Variants in LRP1B observed in about 807,000 individuals in gnomAD.
LRP1B encodes the protein low-density lipoprotein receptor-related protein 1B.
In LRP1B, 217 loss-of-function variants were observed where a neutral mutation model predicts 556.6. That is an observed-to-expected ratio of 0.39 (90% CI 0.35 to 0.44). The LOEUF (loss-of-function observed/expected upper bound fraction) is 0.44. Among genes scored for constraint, LRP1B ranks in the 20% least tolerant of loss-of-function variants. The pLI is 1.00. For missense variants in LRP1B, 5,053 were observed against 5,620.8 expected, an observed-to-expected ratio of 0.90 and a Z score of 3.23; for synonymous variants, 2,047 against 1,865.8, an observed-to-expected ratio of 1.10 and a Z score of -2.50.
chr2:141,093,799 C>A (rs1700229674), intron 7 of LRP1B, among the ~76,000 whole-genome samples: 1 of 151,976 alleles, frequency 6.6e-6, no homozygotes, highest in Non-Finnish European at 1.5e-5. Flanking sequence ...ACTGCAACCT[C>A]CACCCCCCGG....
intron 1 of LRP1B, among the ~76,000 whole-genome samples, chr2:142,083,106 G>C (rs914647829): frequency 2.0e-5 from 3 of 152,204 alleles, no homozygotes; most frequent in Non-Finnish European, 4.4e-5. Context: ...TCAAGGTAGA[G>C]GTTCATAGGC....
At chr2:141,247,945 T>C (rs1684126723) in intron 4 of LRP1B, among the ~76,000 whole-genome samples, 1 of 152,136 alleles carries the variant, frequency 6.6e-6, no homozygotes. Flanking sequence ...CTGCGGCTCA[T>C]GCCTGTAATC....
chr2:141,043,683 G>A (rs1390976915), intron 11 of LRP1B, among the ~76,000 whole-genome samples: 1 of 151,892 alleles, frequency 6.6e-6, no homozygotes, highest in Non-Finnish European at 1.5e-5. Flanking sequence ...TGAGTAGAAT[G>A]AAGGCATACA....
At chr2:140,529,985 CAAAA>C (rs1690617003) in intron 47 of LRP1B, among the ~76,000 whole-genome samples, 29 of 151,920 alleles carry the variant, frequency 1.9e-4, no homozygotes, top group Admixed American at 1.9e-3. Context: ...TTCTTTTCCC[CAAAA>C]AGAGAAGAAA....
intron 35 of LRP1B, among the ~76,000 whole-genome samples, chr2:140,753,103 A>G (rs1205790645): frequency 6.6e-6 from 1 of 152,228 alleles, no homozygotes; most frequent in East Asian, 1.9e-4. Context: ...TACATTTTCA[A>G]AAAAGTAATC....
chr2:141,459,576 T>C (rs1170514792), intron 3 of LRP1B, among the ~76,000 whole-genome samples: 3 of 152,096 alleles, frequency 2.0e-5, no homozygotes, highest in Non-Finnish European at 4.4e-5. Flanking sequence ...TTCCCGAGTG[T>C]TGTGGGAGGA....
At chr2:140,947,758 G>C (rs556398166) in intron 20 of LRP1B, among the ~76,000 whole-genome samples, 4 of 152,104 alleles carry the variant, frequency 2.6e-5, no homozygotes, top group Non-Finnish European at 5.9e-5. Context: ...TATTCACCAC[G>C]TAGAATATTT....
Position 141,464,606 on chromosome 2 carries a change from A to ATATATTTT in LRP1B, c.343+15789_343+15790insAAAATATA. On this transcript the variant is annotated intron_variant, in intron 3 of 90. Coordinates refer to ENST00000389484, the MANE Select transcript of LRP1B (RefSeq NM_018557.3). ...TTTGTATATATATATATATATATAT[A>ATATATTTT]TTTTTTTAGTAGAGATGGGGTTTCA... Among the ~76,000 whole-genome samples the ATATATTTT allele has an allele frequency of 2.3e-3, 205 of 90,522 alleles. 11 individuals carry two copies. Among genetic ancestry groups the ATATATTTT allele is most frequent in the African/African-American group, 7.6e-3 (178 of 23,358 alleles). 59.4% of individuals were successfully genotyped at this position (90,522 alleles called of 152,430 possible).
chr2:141,645,469 CTT>C (rs750147915), intron 2 of LRP1B, among the ~76,000 whole-genome samples: 6,270 of 48,680 alleles, frequency 0.13, 168 homozygotes, highest in Non-Finnish European at 0.18. Flanking sequence ...GAAGACAAGG[CTT>C]TTTTTTTTTT....
rs1332464429 is a variant in LRP1B at position 141,015,829 on chromosome 2, C to G, written c.2057G>C (p.Arg686Pro). The change falls in exon 13 of 91, where the codon CGG (arginine) becomes CCG (proline). Residue 686 changes from arginine (R) to proline (P), a missense_variant. Arg to Pro is a moderately radical substitution (Grantham distance 103). Coordinates refer to ENST00000389484, the MANE Select transcript of LRP1B (RefSeq NM_018557.3). ...IEKAWMDGFN[R>P]QIFVTSKMLW... is the part of the protein sequence containing the mutation. ...CATCTTTGAAGTCACAAAAATCTGC[C>G]GATTGAATCCATCCATCCAGGCCTT... The G allele has an allele frequency of 6.8e-6, 11 of 1,613,482 alleles. No individual in the cohort carries two copies. Among genetic ancestry groups the G allele is most frequent in the Non-Finnish European group, 8.5e-7 (1 of 1,179,714 alleles).
At chr2:140,455,532 A>C (rs1326405256) in intron 62 of LRP1B, among the ~76,000 whole-genome samples, 2 of 152,128 alleles carry the variant, frequency 1.3e-5, no homozygotes, top group Non-Finnish European at 2.9e-5. Context: ...TAATCACAAA[A>C]GCTCTGGCTT....
intron 2 of LRP1B, among the ~76,000 whole-genome samples, chr2:141,494,624 C>T (rs978343719): frequency 6.6e-5 from 10 of 151,342 alleles, no homozygotes; most frequent in Admixed American, 4.6e-4. Context: ...TTTATTTGAA[C>T]CATTAAACAA....
intron 3 of LRP1B, among the ~76,000 whole-genome samples, chr2:141,415,178 C>A (rs1270830844): frequency 6.6e-6 from 1 of 152,152 alleles, no homozygotes; most frequent in Non-Finnish European, 1.5e-5. Flanking sequence ...CCACGCCCAG[C>A]TAATTTTTGT....
At chr2:140,432,116 C>T (rs1044293993) in intron 66 of LRP1B, among the ~76,000 whole-genome samples, 20 of 152,244 alleles carry the variant, frequency 1.3e-4, no homozygotes, top group African/African-American at 4.6e-4. Flanking sequence ...ATGGCCTGTT[C>T]CTGCCTTAAC....
At chr2:141,925,342 T>C (rs943066246) in intron 1 of LRP1B, among the ~76,000 whole-genome samples, 7 of 152,210 alleles carry the variant, frequency 4.6e-5, no homozygotes, top group Admixed American at 4.6e-4. Flanking sequence ...TATTGTGTTC[T>C]CTATTATAAG....
At position 142,050,161 on chromosome 2, in the gene LRP1B, T is replaced by C. The variant is rs183117001; in HGVS notation, c.82+80487A>G. 1.6e-4 allele frequency among the ~76,000 whole-genome samples: 25 copies of C among 152,260 alleles called. No individual in the cohort carries two copies. The East Asian group carries it at 4.6e-3, about 28-fold the overall frequency. ...TCTCTTTCTATGTGCATATATGTAA[T>C]ACATAGGTATACACACACAGAGAGA... On this transcript the variant is annotated intron_variant, in intron 1 of 90. Transcript: ENST00000389484.
At chr2:141,074,732 G>C (rs1005424596) in intron 7 of LRP1B, among the ~76,000 whole-genome samples, 4 of 151,432 alleles carry the variant, frequency 2.6e-5, no homozygotes, top group African/African-American at 9.7e-5. Flanking sequence ...TTGAAGTTAG[G>C]TTAAAGGGTA....
At chr2:141,881,120 A>G (rs190275326) in intron 1 of LRP1B, among the ~76,000 whole-genome samples, 390 of 152,258 alleles carry the variant, frequency 2.6e-3, no homozygotes, top group African/African-American at 8.9e-3. Context: ...CAATCTAAAG[A>G]TGAAGCATAG....
intron 32 of LRP1B, among the ~76,000 whole-genome samples, chr2:140,805,559 A>T (rs1161541538): frequency 6.6e-6 from 1 of 152,220 alleles, no homozygotes; most frequent in Non-Finnish European, 1.5e-5. Context: ...CTTATGAAAC[A>T]GATTAAAATG....
Sources: gnomAD v4.1 joint callset for allele counts (sites outside exome capture counted in the v4.1 genomes callset) on GRCh38, gnomAD v4.1.1 for gene constraint, MANE v1.5 for transcripts, NCBI Gene and HGNC (gene_info 2026-07-23, HGNC 2026-07-21) for gene names.